Variants in PTPRD observed in about 807,000 individuals in gnomAD.
PTPRD encodes protein tyrosine phosphatase receptor type D.
A neutral mutation model predicts 214.5 loss-of-function variants in PTPRD; 34 were observed. The ratio of observed to expected loss-of-function variants is 0.16; its 90% CI spans 0.12 to 0.21. The LOEUF is 0.21. Ranked by LOEUF, PTPRD falls within the 10% of genes least tolerant of loss-of-function variation. The pLI is 1.00. For synonymous variants in PTPRD, 1,128 were observed against 845.7 expected (o/e 1.33, Z -5.79); for missense variants, 2,545 against 2,398.7 (o/e 1.06, Z -1.27).
At chr9:10,424,201 G>C (rs1484443325) in intron 2 of PTPRD, among the ~76,000 whole-genome samples, 7 of 151,908 alleles carry the variant, frequency 4.6e-5, no homozygotes, top group Admixed American at 6.6e-5. Flanking sequence ...TGGTATGTGT[G>C]ATACTTATTA....
chr9:8,664,820 C>A (rs117137319), intron 12 of PTPRD, among the ~76,000 whole-genome samples: 1 of 152,152 alleles, frequency 6.6e-6, no homozygotes, highest in African/African-American at 2.4e-5. Flanking sequence ...GTTTTAAATG[C>A]AATCTCTTGA....
intron 7 of PTPRD, among the ~76,000 whole-genome samples, chr9:9,700,693 T>C (rs904779379): frequency 1.3e-5 from 2 of 152,112 alleles, no homozygotes; most frequent in African/African-American, 4.8e-5. Context: ...ATATAATATG[T>C]AATTCCTTAT....
At chr9:8,920,762 CAACA>C (rs1463543959) in intron 11 of PTPRD, among the ~76,000 whole-genome samples, 2 of 152,138 alleles carry the variant, frequency 1.3e-5, no homozygotes, top group Admixed American at 1.3e-4. Context: ...AAACATGACA[CAACA>C]GAGTCTATTA....
intron 2 of PTPRD, among the ~76,000 whole-genome samples, chr9:10,364,647 G>A (rs2097479211): frequency 6.6e-6 from 1 of 152,074 alleles, no homozygotes; most frequent in Non-Finnish European, 1.5e-5. Flanking sequence ...CAACTTACAT[G>A]TCACAGATTG....
At chr9:9,058,692 G>A (rs542091120) in intron 10 of PTPRD, among the ~76,000 whole-genome samples, 234 of 150,882 alleles carry the variant, frequency 1.6e-3, no homozygotes, top group Non-Finnish European at 2.5e-3. Flanking sequence ...CTCGTGATCC[G>A]CCCGCCTCGG....
intron 10 of PTPRD, among the ~76,000 whole-genome samples, chr9:9,170,512 T>TGGTC (rs894052878): frequency 1.3e-4 from 20 of 152,194 alleles, no homozygotes; most frequent in Non-Finnish European, 2.6e-4. Context: ...GTTACTACCT[T>TGGTC]GGTCAGTTCC....
chr9:9,980,533 G>A (rs1338144219), intron 4 of PTPRD, among the ~76,000 whole-genome samples: 9 of 140,128 alleles, frequency 6.4e-5, no homozygotes, highest in African/African-American at 1.8e-4. Flanking sequence ...GCTTGAACCC[G>A]GGGGGGCAAA....
intron 11 of PTPRD, among the ~76,000 whole-genome samples, chr9:8,781,510 A>T (rs142558514): frequency 5.3e-5 from 8 of 152,372 alleles, no homozygotes; most frequent in Non-Finnish European, 1.2e-4. Flanking sequence ...TTAAAGTAAG[A>T]GTACAACTCA....
intron 13 of PTPRD, among the ~76,000 whole-genome samples, chr9:8,634,121 G>C (rs186898252): frequency 6.6e-6 from 1 of 151,678 alleles, no homozygotes; most frequent in African/African-American, 2.4e-5. Context: ...TGCTTCACCA[G>C]GCAGAAAATT....
chr9:8,690,880 C>T (rs929948414), intron 12 of PTPRD, among the ~76,000 whole-genome samples: 2 of 152,140 alleles, frequency 1.3e-5, no homozygotes, highest in East Asian at 3.9e-4. Context: ...TCCCTTTTAA[C>T]AGACAATTTT....
At chr9:8,974,567 A>G (rs1377456007) in intron 11 of PTPRD, among the ~76,000 whole-genome samples, 2 of 151,920 alleles carry the variant, frequency 1.3e-5, no homozygotes, top group Non-Finnish European at 2.9e-5. Flanking sequence ...TATTTTCAGG[A>G]TGGCATCTGT....
intron 9 of PTPRD, among the ~76,000 whole-genome samples, chr9:9,260,877 A>G (rs2132113430): frequency 6.6e-6 from 1 of 151,988 alleles, no homozygotes; most frequent in South Asian, 2.1e-4. Context: ...ATCCAAAGTA[A>G]TGACTTTACT....
chr9:10,291,486 G>A (rs1276982863), intron 3 of PTPRD, among the ~76,000 whole-genome samples: 1 of 152,072 alleles, frequency 6.6e-6, no homozygotes, highest in Non-Finnish European at 1.5e-5. Context: ...AATCACAAGT[G>A]TTTTTAATAA....
chr9:9,461,342 T>A (rs1231833558), intron 8 of PTPRD, among the ~76,000 whole-genome samples: 1 of 152,054 alleles, frequency 6.6e-6, no homozygotes, highest in South Asian at 2.1e-4. Flanking sequence ...TAAAATCATA[T>A]CATTGTCTAA....
At position 10,356,112 on chromosome 9, in the gene PTPRD, C is replaced by CTT. The variant is rs140469487; in HGVS notation, c.-599-15097_-599-15096dup. Reference sequence around the variant, plus strand: ...AGCTTTAAATAAAAGAGAAAATTGCCTTTTTTTTTTTTCAGGTATTTGTTT... The same window carrying CTT: ...AGCTTTAAATAAAAGAGAAAATTGCCTTTTTTTTTTTTTTCAGGTATTTGTTT... On this transcript the variant is annotated intron_variant, in intron 2 of 45. Coordinates refer to ENST00000381196, the MANE Select transcript of PTPRD (RefSeq NM_002839.4). Among the ~76,000 whole-genome samples, 15 of 142,680 alleles carry CTT rather than the reference C, an allele frequency of 1.1e-4. No individual in the cohort carries two copies. In the South Asian group the frequency reaches 1.8e-3, roughly 17 times the overall value. 93.6% of individuals were successfully genotyped at this position (142,680 alleles called of 152,430 possible).
chr9:10,123,680 G>A (rs2098794081), intron 3 of PTPRD, among the ~76,000 whole-genome samples: 1 of 152,158 alleles, frequency 6.6e-6, no homozygotes, highest in Non-Finnish European at 1.5e-5. Flanking sequence ...CGTTATTTTG[G>A]AAAACAGAAA....
At chr9:10,458,583 A>T (rs776199807) in intron 2 of PTPRD, among the ~76,000 whole-genome samples, 15 of 152,198 alleles carry the variant, frequency 9.9e-5, no homozygotes, top group Non-Finnish European at 1.9e-4. Context: ...CACAGCTAAC[A>T]TCATAATAAG....
At chr9:9,730,037 C>T (rs985897324) in intron 7 of PTPRD, among the ~76,000 whole-genome samples, 1 of 152,014 alleles carries the variant, frequency 6.6e-6, no homozygotes, top group Non-Finnish European at 1.5e-5. Context: ...AAAACAGTAA[C>T]ATCATTTTAA....
intron 41 of PTPRD, 62 bp downstream of exon 41, chr9:8,341,028 A>T: frequency 7.0e-7 from 1 of 1,437,424 alleles, no homozygotes. Flanking sequence ...TATTCTGGTT[A>T]TTAAACTAGG....
Sources: gnomAD v4.1 joint callset for allele counts (sites outside exome capture counted in the v4.1 genomes callset) on GRCh38, gnomAD v4.1.1 for gene constraint, MANE v1.5 for transcripts, NCBI Gene and HGNC (gene_info 2026-07-23, HGNC 2026-07-21) for gene names.